EML6: variants seen among roughly 807,000 people sequenced by gnomAD.
The protein encoded by EML6 is echinoderm microtubule-associated protein-like 6.
Under a neutral mutation model 240.1 loss-of-function variants are expected in EML6, and 154 were observed. That is an observed-to-expected ratio of 0.64 (90% confidence interval 0.56 to 0.73). The LOEUF (loss-of-function observed/expected upper bound fraction) is 0.73, where lower values mean the gene tolerates loss of function less well. Among genes scored for constraint, EML6 ranks in the 30% least tolerant of loss-of-function variants. The probability of loss-of-function intolerance (pLI) is 0.00; values close to 1 mark genes in which losing one functional copy is unlikely to be tolerated. For synonymous variants in EML6, 1,148 were observed against 899.0 expected, an observed-to-expected ratio of 1.28 and a Z score of -4.95; for missense variants, 2,964 against 2,474.6, an observed-to-expected ratio of 1.20 and a Z score of -4.20.
chr2:54,937,922 AT>A (rs2104433016), intron 28 of EML6, among the ~76,000 whole-genome samples: 1 of 152,312 alleles, frequency 6.6e-6, no homozygotes, highest in South Asian at 2.1e-4. Context: ...CTCCCCTTGG[AT>A]TTCCTCTTAC....
rs1006845268 is a variant in EML6 at position 54,928,403 on chromosome 2, G to A, written c.3766G>A (p.Val1256Met). 7 of 1,551,588 alleles carry A rather than the reference G, an allele frequency of 4.5e-6. No individual in the cohort carries two copies. Among genetic ancestry groups the A allele is most frequent in the Admixed American group, 2.0e-5 (1 of 50,930 alleles). The change falls in exon 27 of 42, where the codon GTG becomes ATG. Residue 1256 changes from valine (V) to methionine (M), a missense_variant. By Grantham distance (21) the Val-to-Met change is conservative (BLOSUM62 1). Transcript: ENST00000356458. ...GCACAATGACTCTGTGCTGCTCACG[G>A]TGGGCGGCGCCGACACAGCCCTGAT... ...WLHNDSVLLTVGGADTALMIW... is the reference protein window; with the variant it reads ...WLHNDSVLLTMGGADTALMIW...
At chr2:54,858,395 G>A (rs1161092601) in intron 11 of EML6, among the ~76,000 whole-genome samples, 1 of 152,238 alleles carries the variant, frequency 6.6e-6, no homozygotes, top group Admixed American at 6.5e-5. Context: ...TAATTGATCT[G>A]TGAGGAAGGT....
At chr2:54,923,991 A>G (rs1674406923) in intron 26 of EML6, among the ~76,000 whole-genome samples, 1 of 152,174 alleles carries the variant, frequency 6.6e-6, no homozygotes, top group Admixed American at 6.5e-5. Flanking sequence ...GTAGAATTCC[A>G]TTGTGTGGAT....
At chr2:54,873,706 G>A (rs1266504351) in intron 16 of EML6, among the ~76,000 whole-genome samples, 1 of 145,148 alleles carries the variant, frequency 6.9e-6, no homozygotes, top group Non-Finnish European at 1.5e-5. Flanking sequence ...TAATTAATAT[G>A]CTTTAGAAGA....
intron 36 of EML6, among the ~76,000 whole-genome samples, chr2:54,963,288 A>G (rs1442137032): frequency 4.6e-5 from 7 of 152,252 alleles, no homozygotes. Context: ...CAGAATAGTC[A>G]GGTAAAAGCT....
chr2:54,817,783 T>G (rs1423711888), intron 4 of EML6, among the ~76,000 whole-genome samples: 1 of 151,786 alleles, frequency 6.6e-6, no homozygotes, highest in African/African-American at 2.4e-5. Flanking sequence ...AAATTCACTG[T>G]CTCTTGCTTA....
At chr2:54,875,496 C>T (rs1252246560) in intron 16 of EML6, among the ~76,000 whole-genome samples, 3 of 152,146 alleles carry the variant, frequency 2.0e-5, no homozygotes, top group Admixed American at 6.5e-5. Flanking sequence ...CTACTGATAG[C>T]GTGCTTGTCT....
rs1558739114 is a variant in EML6, at chr2:54,970,851, A to G, written c.*756A>G. On this transcript the variant is annotated 3_prime_UTR_variant, in exon 42 of 42. Transcript: ENST00000356458. ...CGCCAAGGCTTCCTAAATGAAAGAC[A>G]TCGGTTACCTGCTTATGGGAAGGTG... is the stretch of plus-strand genomic sequence containing the variant. The G allele has an allele frequency of 6.6e-6, 1 of 152,224 alleles. No individual in the cohort carries two copies. Among genetic ancestry groups the G allele is most frequent in the Non-Finnish European group, 1.5e-5 (1 of 68,048 alleles). The allele number at this position is 152,224 out of a possible 1,614,324, so 9.4% of individuals were successfully genotyped here. A position where few individuals can be genotyped will look rare whatever the true frequency, so the allele number is the denominator to read the frequency against.
chr2:54,811,598 G>T (rs1373357843), intron 2 of EML6, among the ~76,000 whole-genome samples: 4 of 152,120 alleles, frequency 2.6e-5, no homozygotes, highest in African/African-American at 9.7e-5. Flanking sequence ...CTGTTTATAT[G>T]TCTATGGTAC....
chr2:54,932,293 C>A (rs1421064994), intron 28 of EML6, among the ~76,000 whole-genome samples: 1 of 152,214 alleles, frequency 6.6e-6, no homozygotes, highest in Non-Finnish European at 1.5e-5. Flanking sequence ...TGGTCCCCAA[C>A]CTTGGGTGAT....
Position 54,863,865 on chromosome 2 carries a change from A to G in EML6, c.1908A>G (p.Glu636=). The G allele has an allele frequency of 6.5e-7, 1 of 1,543,920 alleles. No homozygotes were observed. Residue 636 remains glutamate, a synonymous_variant, in exon 13 of 42, where the codon GAA becomes GAG. Coordinates refer to ENST00000356458, the MANE Select transcript of EML6 (RefSeq NM_001039753.4). ...VPELDSDIEQ[E]AQINYDRQVY... ...AACTGGACTCTGATATTGAGCAAGA[A>G]GCTCAAATCAATTATGATCGCCAGG...
chr2:54,813,135 C>T (rs926235074), intron 2 of EML6, 97 bp from the exon 3 acceptor site: 6 of 855,372 alleles, frequency 7.0e-6, no homozygotes, highest in African/African-American at 5.1e-5. Flanking sequence ...CTTGAGATCA[C>T]CTTGTTAGAT....
intron 8 of EML6, among the ~76,000 whole-genome samples, chr2:54,845,844 A>G (rs941006295): frequency 2.6e-5 from 4 of 152,172 alleles, no homozygotes; most frequent in Non-Finnish European, 5.9e-5. Context: ...ACCGTGCTGC[A>G]TGTGACTTAT....
intron 2 of EML6, among the ~76,000 whole-genome samples, chr2:54,783,324 T>C (rs926902858): frequency 2.0e-5 from 3 of 152,224 alleles, no homozygotes; most frequent in Non-Finnish European, 2.9e-5. Flanking sequence ...ATATTGCAAG[T>C]AAAAATCAAG....
chr2:54,922,515 T>C (rs1234668069), intron 26 of EML6, among the ~76,000 whole-genome samples: 5 of 152,156 alleles, frequency 3.3e-5, no homozygotes, highest in Non-Finnish European at 7.4e-5. Flanking sequence ...AAAACTAATA[T>C]ATGATTCAGT....
chr2:54,834,167 A>G (rs1016737454), intron 7 of EML6, among the ~76,000 whole-genome samples: 2 of 151,974 alleles, frequency 1.3e-5, no homozygotes, highest in African/African-American at 4.8e-5. Flanking sequence ...CATGGGGAGA[A>G]CTCCCTCACT....
intron 19 of EML6, among the ~76,000 whole-genome samples, chr2:54,893,892 AG>A (rs751548918): frequency 6.1e-4 from 93 of 152,152 alleles, no homozygotes; most frequent in Non-Finnish European, 1.2e-3. Flanking sequence ...TTAAACTGCA[AG>A]TATTAGAAAA....
chr2:54,765,288 TG>T (rs1668135865), intron 2 of EML6, among the ~76,000 whole-genome samples: 1 of 152,198 alleles, frequency 6.6e-6, no homozygotes. Flanking sequence ...ATTTTTAGTA[TG>T]GATTGACATA....
chr2:54,874,939 C>G (rs1407658917), intron 16 of EML6, among the ~76,000 whole-genome samples: 1 of 152,140 alleles, frequency 6.6e-6, no homozygotes, highest in Non-Finnish European at 1.5e-5. Context: ...ATTGTGAGAG[C>G]CACCAGGCCT....
Sources: gnomAD v4.1 joint callset for allele counts (sites outside exome capture counted in the v4.1 genomes callset) on GRCh38, gnomAD v4.1.1 for gene constraint, MANE v1.5 for transcripts, NCBI Gene and HGNC (gene_info 2026-07-23, HGNC 2026-07-21) for gene names.